The following PCDH15 variants were observed in gnomAD, a reference collection of about 807,000 sequenced individuals.
PCDH15 encodes protocadherin-15.
A neutral mutation model predicts 178.5 loss-of-function variants in PCDH15; 129 were observed. The ratio of observed to expected loss-of-function variants is 0.72; its 90% confidence interval spans 0.63 to 0.84. The LOEUF (loss-of-function observed/expected upper bound fraction) is 0.84. Ranked by LOEUF, PCDH15 falls within the 40% of genes least tolerant of loss-of-function variation. The pLI is 0.00. For missense variants in PCDH15, 2,230 were observed against 2,099.9 expected, an observed-to-expected ratio of 1.06 and a Z score of -1.21; for synonymous variants, 800 against 732.0, an observed-to-expected ratio of 1.09 and a Z score of -1.50.
At chr10:55,071,163 A>G (rs974069253) in intron 2 of PCDH15, among the ~76,000 whole-genome samples, 1 of 152,206 alleles carries the variant, frequency 6.6e-6, no homozygotes, top group Non-Finnish European at 1.5e-5. Context: ...TGTAAAGACC[A>G]TCGAGGCTAC....
At chr10:53,958,751 C>T (rs1157151311) in intron 23 of PCDH15, among the ~76,000 whole-genome samples, 1 of 151,956 alleles carries the variant, frequency 6.6e-6, no homozygotes, top group Non-Finnish European at 1.5e-5. Flanking sequence ...GAGGCTGAGG[C>T]AGGTGGATCA....
At chr10:54,438,280 T>C (rs2075560848) in intron 3 of PCDH15, among the ~76,000 whole-genome samples, 1 of 150,756 alleles carries the variant, frequency 6.6e-6, no homozygotes, top group African/African-American at 2.4e-5. Context: ...TTTTTTTTTT[T>C]TTTTTTTTTT....
At chr10:55,061,950 G>A (rs1320783803) in intron 2 of PCDH15, among the ~76,000 whole-genome samples, 1 of 152,212 alleles carries the variant, frequency 6.6e-6, no homozygotes, top group Non-Finnish European at 1.5e-5. Flanking sequence ...AACCCGGGAT[G>A]GGGAGGTTGC....
chr10:55,617,024 T>C (rs1190804214), intron 2 of PCDH15, among the ~76,000 whole-genome samples: 2 of 152,090 alleles, frequency 1.3e-5, no homozygotes, highest in African/African-American at 4.8e-5. Flanking sequence ...ATTAAAATGG[T>C]AGCTAAGCTT....
At chr10:55,241,393 T>C (rs1435921438) in intron 1 of PCDH15, among the ~76,000 whole-genome samples, 1 of 152,072 alleles carries the variant, frequency 6.6e-6, no homozygotes, top group Non-Finnish European at 1.5e-5. Flanking sequence ...ACATGGTAGA[T>C]TTCCCTCTCA....
At chr10:55,056,534 C>A (rs1591864550) in intron 2 of PCDH15, among the ~76,000 whole-genome samples, 1 of 150,340 alleles carries the variant, frequency 6.7e-6, no homozygotes, top group East Asian at 1.9e-4. Flanking sequence ...TTTCCATTTT[C>A]TCTCTCTCTA....
Position 55,209,825 on chromosome 10 carries a change from C to T in PCDH15, c.-155-43174G>A, listed in dbSNP as rs1258761034. On this transcript the variant is annotated intron_variant, in intron 1 of 5. Transcript: ENST00000458638. ...AGTATCTGGATATAAGCACTATGCT[C>T]AAAAAAGCGATCCATGCTAAAGATT... 3.3e-5 allele frequency among the ~76,000 whole-genome samples: 5 copies of T among 151,996 alleles called. No individual in the cohort carries two copies. In the East Asian group the frequency reaches 7.7e-4, roughly 24 times the overall value.
chr10:54,227,929 C>T (rs1025724891), intron 9 of PCDH15, among the ~76,000 whole-genome samples: 3 of 152,128 alleles, frequency 2.0e-5, no homozygotes, highest in African/African-American at 4.8e-5. Context: ...TATCTGAGAC[C>T]ACCTCAGCCT....
chr10:55,017,153 T>G (rs1468360474), intron 2 of PCDH15, among the ~76,000 whole-genome samples: 2 of 152,112 alleles, frequency 1.3e-5, no homozygotes, highest in African/African-American at 4.8e-5. Context: ...ATCAACCAAA[T>G]TTCAAAAGAC....
intron 1 of PCDH15, among the ~76,000 whole-genome samples, chr10:54,695,047 C>T (rs2095197579): frequency 6.7e-6 from 1 of 148,572 alleles, no homozygotes; most frequent in African/African-American, 2.5e-5. Context: ...AGTCACACAC[C>T]AGGGCCTGTT....
chr10:55,606,396 C>T (rs1347829297), intron 2 of PCDH15, among the ~76,000 whole-genome samples: 1 of 150,362 alleles, frequency 6.7e-6, no homozygotes, highest in African/African-American at 2.5e-5. Flanking sequence ...GAAAAAACTA[C>T]TTTAAAGTTC....
At chr10:53,874,493 T>C (rs1308582450) in intron 26 of PCDH15, among the ~76,000 whole-genome samples, 4 of 152,198 alleles carry the variant, frequency 2.6e-5, no homozygotes, top group Non-Finnish European at 4.4e-5. Context: ...TAATATTCCA[T>C]TGGTAAAGTC....
intron 2 of PCDH15, among the ~76,000 whole-genome samples, chr10:54,915,078 C>A (rs929509908): frequency 1.3e-5 from 2 of 152,184 alleles, no homozygotes; most frequent in African/African-American, 4.8e-5. Flanking sequence ...ATAGTATCTA[C>A]CGCAATGATC....
intron 21 of PCDH15, among the ~76,000 whole-genome samples, chr10:53,976,892 G>A (rs531377102): frequency 5.3e-5 from 8 of 150,498 alleles, no homozygotes; most frequent in South Asian, 4.3e-4. Flanking sequence ...ACCAACCATC[G>A]GGCCTCCCAG....
intron 15 of PCDH15, among the ~76,000 whole-genome samples, chr10:54,103,345 A>AT (rs2094846875): frequency 6.6e-6 from 1 of 152,270 alleles, no homozygotes; most frequent in Admixed American, 6.5e-5. Context: ...GCTGTCCATT[A>AT]TGGTAACTAC....
At chr10:54,576,713 C>T (rs2090511965) in intron 2 of PCDH15, among the ~76,000 whole-genome samples, 1 of 152,124 alleles carries the variant, frequency 6.6e-6, no homozygotes, top group Non-Finnish European at 1.5e-5. Flanking sequence ...ACGTTGGACA[C>T]TGGTTAACAC....
chr10:54,751,417 CACAA>C (rs1472642333), intron 1 of PCDH15, among the ~76,000 whole-genome samples: 3 of 152,090 alleles, frequency 2.0e-5, no homozygotes, highest in Non-Finnish European at 4.4e-5. Context: ...ATAAAATATG[CACAA>C]ACAGATGGCA....
At chr10:54,136,504 G>C (rs934314512) in intron 14 of PCDH15, among the ~76,000 whole-genome samples, 1 of 151,904 alleles carries the variant, frequency 6.6e-6, no homozygotes, top group Non-Finnish European at 1.5e-5. Flanking sequence ...CAGTTTACTG[G>C]TCAAGAATAC....
chr10:53,951,661 T>TCACAGGATCCTTGGGATGTTG (rs1293178733), intron 23 of PCDH15, among the ~76,000 whole-genome samples: 1 of 152,240 alleles, frequency 6.6e-6, no homozygotes, highest in African/African-American at 2.4e-5. Context: ...GTAGAAAATG[T>TCACAGGATCCTTGGGATGTTG]CACAGGATCC....
Sources: gnomAD v4.1 joint callset for allele counts (sites outside exome capture counted in the v4.1 genomes callset) on GRCh38, gnomAD v4.1.1 for gene constraint, MANE v1.5 for transcripts, NCBI Gene and HGNC (gene_info 2026-07-23, HGNC 2026-07-21) for gene names.